The following GALNT13 variants were observed in gnomAD, a reference collection of about 807,000 sequenced individuals.
GALNT13 encodes the protein UDP-GalNAc:polypeptide N-acetylgalactosaminyltransferase 13.
A neutral mutation model predicts 64.2 loss-of-function variants in GALNT13; 28 were observed. That is an observed-to-expected ratio of 0.44 (90% CI 0.32 to 0.60). GALNT13 has a LOEUF of 0.60. GALNT13 is among the 20% of genes least tolerant of loss of function. The probability of loss-of-function intolerance (pLI) is 0.05; values close to 1 mark genes in which losing one functional copy is unlikely to be tolerated. For synonymous variants in GALNT13, 214 were observed against 224.6 expected (o/e 0.95, Z 0.42); for missense variants, 577 against 669.8 (o/e 0.86, Z 1.53).
At chr2:154,265,145 G>A (rs1690921786) in intron 8 of GALNT13, among the ~76,000 whole-genome samples, 1 of 151,798 alleles carries the variant, frequency 6.6e-6, no homozygotes, top group African/African-American at 2.4e-5. Flanking sequence ...ATGGCTAAAA[G>A]GATTGGAATG....
At chr2:153,150,953 C>T in the GALNT13 span, among the ~76,000 whole-genome samples, 111 of 151,946 alleles carry the variant, frequency 7.3e-4, no homozygotes, top group Admixed American at 3.7e-3. Context: ...CTTGGCAATG[C>T]GGGCTCTTTT....
chr2:153,277,324 T>C, the GALNT13 span, among the ~76,000 whole-genome samples: 2 of 152,200 alleles, frequency 1.3e-5, no homozygotes, highest in Admixed American at 6.5e-5. Flanking sequence ...TCAGTTCCTG[T>C]GTTAATTTGC....
the GALNT13 span, among the ~76,000 whole-genome samples, chr2:153,142,485 C>T: frequency 2.0e-5 from 3 of 152,034 alleles, no homozygotes; most frequent in Admixed American, 1.3e-4. Context: ...GGAAAACAGG[C>T]TGATGATTTA....
chr2:154,228,456 A>C (rs1480009471), intron 4 of GALNT13, among the ~76,000 whole-genome samples: 1 of 152,100 alleles, frequency 6.6e-6, no homozygotes, highest in East Asian at 1.9e-4. Context: ...TCCATGAGGG[A>C]ATTATTTTCT....
intron 9 of GALNT13, among the ~76,000 whole-genome samples, chr2:154,330,867 C>T (rs1260066116): frequency 2.0e-5 from 3 of 152,116 alleles, no homozygotes; most frequent in Non-Finnish European, 2.9e-5. Context: ...TAAGTTTCTA[C>T]TGACTGTTCT....
chr2:153,443,177 A>G, the GALNT13 span, among the ~76,000 whole-genome samples: 4 of 152,210 alleles, frequency 2.6e-5, no homozygotes, highest in Non-Finnish European at 5.9e-5. Flanking sequence ...CCCTGGTAGC[A>G]TAGGCACCCA....
intron 7 of GALNT13, among the ~76,000 whole-genome samples, chr2:154,258,710 G>A (rs1690521108): frequency 6.6e-6 from 1 of 151,686 alleles, no homozygotes; most frequent in Non-Finnish European, 1.5e-5. Flanking sequence ...ACAGTGCAAA[G>A]GGCAGAAACC....
At chr2:154,364,033 C>T (rs1242902885) in intron 9 of GALNT13, among the ~76,000 whole-genome samples, 2 of 152,062 alleles carry the variant, frequency 1.3e-5, no homozygotes, top group Non-Finnish European at 2.9e-5. Flanking sequence ...AGCTAAAAAT[C>T]ACACAGGTTA....
chr2:154,026,601 C>T (rs981785426), intron 3 of GALNT13, among the ~76,000 whole-genome samples: 2 of 152,168 alleles, frequency 1.3e-5, no homozygotes, highest in Non-Finnish European at 2.9e-5. Flanking sequence ...GTCACTTTTT[C>T]TCTGTGTTCT....
chr2:153,782,477 G>T, the GALNT13 span, among the ~76,000 whole-genome samples: 1 of 152,054 alleles, frequency 6.6e-6, no homozygotes, highest in Non-Finnish European at 1.5e-5. Context: ...ACATAAAAAG[G>T]ATACCATAAA....
the GALNT13 span, among the ~76,000 whole-genome samples, chr2:153,378,403 G>A: frequency 1.3e-5 from 2 of 151,930 alleles, no homozygotes; most frequent in Admixed American, 1.3e-4. Flanking sequence ...GGAACATACA[G>A]TTTGTGATAT....
intron 3 of GALNT13, among the ~76,000 whole-genome samples, chr2:154,042,372 T>A (rs1699027645): frequency 7.6e-6 from 1 of 132,370 alleles, no homozygotes; most frequent in African/African-American, 2.5e-5. Flanking sequence ...TGCTCCCTAC[T>A]TTCAAAGAAA....
chr2:153,870,781 G>GT (rs552038439), upstream of GALNT13, among the ~76,000 whole-genome samples: 28 of 150,902 alleles, frequency 1.9e-4, no homozygotes, highest in East Asian at 5.0e-3. Flanking sequence ...AAACGTGGCT[G>GT]TTTAATATTT....
chr2:154,056,904 A>C (rs1031018451), intron 3 of GALNT13, among the ~76,000 whole-genome samples: 2 of 151,934 alleles, frequency 1.3e-5, no homozygotes, highest in African/African-American at 4.8e-5. Flanking sequence ...TTTTAGGTTG[A>C]GTTTCTTTGA....
the GALNT13 span, among the ~76,000 whole-genome samples, chr2:153,312,714 A>G: frequency 6.6e-6 from 1 of 152,166 alleles, no homozygotes; most frequent in Non-Finnish European, 1.5e-5. Context: ...AGTAAAAAAT[A>G]TTGTTTGCTC....
In GALNT13 at chr2:154,113,117, C is replaced by T. The variant is rs544721204; in HGVS notation, c.143-27220C>T. Among the ~76,000 whole-genome samples the T allele has an allele frequency of 2.0e-5, 3 of 152,278 alleles. No individual in the cohort carries two copies. In the South Asian group the frequency reaches 6.2e-4, roughly 32 times the overall value. The stretch of plus-strand genomic sequence containing the variant: ...GGCAAACATTCAGTTTCCACCAAAG[C>T]CCAGTAACAGGTCTAGAGCTGTCTC... On this transcript the variant is annotated intron_variant, in intron 3 of 12. Coordinates refer to ENST00000392825, the MANE Select transcript of GALNT13 (RefSeq NM_052917.4).
At chr2:153,824,826 C>A in the GALNT13 span, among the ~76,000 whole-genome samples, 1 of 152,082 alleles carries the variant, frequency 6.6e-6, no homozygotes, top group African/African-American at 2.4e-5. Flanking sequence ...TGTGGCACCT[C>A]CCCTATACCT....
intron 3 of GALNT13, among the ~76,000 whole-genome samples, chr2:154,069,389 C>T (rs1700631254): frequency 6.6e-6 from 1 of 151,640 alleles, no homozygotes; most frequent in Admixed American, 6.6e-5. Flanking sequence ...CTTAAAAATG[C>T]TATTTATAAT....
At chr2:153,751,495 T>C in the GALNT13 span, among the ~76,000 whole-genome samples, 1 of 151,966 alleles carries the variant, frequency 6.6e-6, no homozygotes, top group Admixed American at 6.6e-5. Context: ...ATTTGCTTTA[T>C]ATATCTATGT....
Sources: gnomAD v4.1 joint callset for allele counts (sites outside exome capture counted in the v4.1 genomes callset) on GRCh38, gnomAD v4.1.1 for gene constraint, MANE v1.5 for transcripts, NCBI Gene and HGNC (gene_info 2026-07-23, HGNC 2026-07-21) for gene names.